Variants in CSGALNACT1 observed in about 807,000 individuals in gnomAD.
CSGALNACT1 encodes the protein beta4GalNAcT-1.
CSGALNACT1 carries 52 observed loss-of-function variants against 51.0 expected under a neutral mutation model. That is an observed-to-expected ratio of 1.02 (90% CI 0.82 to 1.29). The LOEUF (loss-of-function observed/expected upper bound fraction) is 1.29. CSGALNACT1 is among the 50% of genes most tolerant of loss of function. The pLI is 0.00. For synonymous variants in CSGALNACT1, 341 were observed against 254.4 expected (o/e 1.34, Z -3.24); for missense variants, 935 against 679.2 (o/e 1.38, Z -4.19).
At chr8:19,656,101 A>G (rs1271340589) in intron 1 of CSGALNACT1, among the ~76,000 whole-genome samples, 1 of 152,186 alleles carries the variant, frequency 6.6e-6, no homozygotes, top group East Asian at 1.9e-4. Context: ...TGGGAACTCC[A>G]TTCACTTCAG....
chr8:19,449,956 G>C, intron 5 of CSGALNACT1, among the ~76,000 whole-genome samples: 1 of 150,346 alleles, frequency 6.7e-6, no homozygotes, highest in Non-Finnish European at 1.5e-5. Context: ...AACAGACAAT[G>C]AAGTAACCGG....
chr8:19,747,309 G>A (rs982180683), intron 1 of CSGALNACT1, among the ~76,000 whole-genome samples: 1 of 151,772 alleles, frequency 6.6e-6, no homozygotes, highest in Admixed American at 6.6e-5. Flanking sequence ...AACACCAAAC[G>A]TGAAGATACT....
At chr8:19,448,380 G>A (rs1201153431) in intron 5 of CSGALNACT1, among the ~76,000 whole-genome samples, 1 of 152,096 alleles carries the variant, frequency 6.6e-6, no homozygotes. Context: ...GTTTTCCTGC[G>A]ATTTTCCAGA....
chr8:19,651,934 TG>T (rs1564352209), intron 1 of CSGALNACT1, among the ~76,000 whole-genome samples: 48 of 151,174 alleles, frequency 3.2e-4, no homozygotes, highest in Non-Finnish European at 6.2e-4. Context: ...TGTTTTGTTT[TG>T]TTTTGACTTT....
intron 9 of CSGALNACT1, among the ~76,000 whole-genome samples, chr8:19,407,419 C>T (rs1346447468): frequency 1.3e-5 from 2 of 152,152 alleles, no homozygotes; most frequent in East Asian, 3.9e-4. Flanking sequence ...GGCACGGTCC[C>T]CCTGACTCCA....
At chr8:19,637,361 T>A (rs917036189) in intron 1 of CSGALNACT1, among the ~76,000 whole-genome samples, 1 of 152,200 alleles carries the variant, frequency 6.6e-6, no homozygotes. Context: ...ATCACAGCAA[T>A]CATTCTTTTT....
intron 1 of CSGALNACT1, among the ~76,000 whole-genome samples, chr8:19,733,933 C>A (rs1307663302): frequency 2.0e-5 from 3 of 151,988 alleles, no homozygotes; most frequent in Non-Finnish European, 4.4e-5. Context: ...GAGTGCAAGC[C>A]CAAACCATAG....
At chr8:19,527,050 T>C (rs1345540786) in intron 3 of CSGALNACT1, among the ~76,000 whole-genome samples, 1 of 152,186 alleles carries the variant, frequency 6.6e-6, no homozygotes, top group African/African-American at 2.4e-5. Context: ...ATATACTATG[T>C]AGCTAAAGAC....
intron 1 of CSGALNACT1, among the ~76,000 whole-genome samples, chr8:19,740,356 G>A (rs2064235666): frequency 6.6e-6 from 1 of 152,200 alleles, no homozygotes; most frequent in South Asian, 2.1e-4. Flanking sequence ...TGCTGTCCAG[G>A]CAGCCTCAAA....
chr8:19,570,798 G>A (rs1050847660), intron 3 of CSGALNACT1, among the ~76,000 whole-genome samples: 2 of 152,084 alleles, frequency 1.3e-5, no homozygotes, highest in Admixed American at 6.5e-5. Flanking sequence ...TACTTGGGAG[G>A]CTGAAGCACA....
At chr8:19,498,199 A>T (rs185440964) in intron 4 of CSGALNACT1, among the ~76,000 whole-genome samples, 3 of 152,276 alleles carry the variant, frequency 2.0e-5, no homozygotes, top group East Asian at 3.9e-4. Flanking sequence ...GAGGCAGGTT[A>T]CCAGGTCTTT....
chr8:19,426,784 T>G (rs1044089433), intron 6 of CSGALNACT1, among the ~76,000 whole-genome samples: 1 of 152,204 alleles, frequency 6.6e-6, no homozygotes, highest in East Asian at 1.9e-4. Context: ...ATTTCCCTAA[T>G]TGACTTGCAT....
chr8:19,651,467 C>A (rs1056987992), intron 1 of CSGALNACT1, among the ~76,000 whole-genome samples: 1 of 152,156 alleles, frequency 6.6e-6, no homozygotes, highest in African/African-American at 2.4e-5. Context: ...TCTTTGTGTT[C>A]ATGTGTACTC....
In CSGALNACT1 at chr8:19,577,401, C is replaced by CAAAAAAAAAAAAAAAAAAAAAAAA. The variant is rs111734132; in HGVS notation, c.-297+13758_-297+13759insTTTTTTTTTTTTTTTTTTTTTTTT. 5.5e-4 allele frequency among the ~76,000 whole-genome samples: 57 copies of CAAAAAAAAAAAAAAAAAAAAAAAA among 104,214 alleles called. 5 individuals carry two copies. Among genetic ancestry groups the CAAAAAAAAAAAAAAAAAAAAAAAA allele is most frequent in the African/African-American group, 2.4e-3 (56 of 23,114 alleles). 68.4% of individuals were successfully genotyped at this position (104,214 alleles called of 152,430 possible). A position where few individuals can be genotyped will look rare whatever the true frequency, so the allele number is the denominator to read the frequency against. On this transcript the variant is annotated intron_variant, in intron 3 of 9. Transcript: ENST00000454498. ...ACAACGAAGCCCGACCCCACCTCTA[C>CAAAAAAAAAAAAAAAAAAAAAAAA]AAAAAAAAAAAAAGCCTAGTATGGT...
chr8:19,522,782 T>C (rs540801177), intron 3 of CSGALNACT1, among the ~76,000 whole-genome samples: 58 of 152,300 alleles, frequency 3.8e-4, no homozygotes, highest in Middle Eastern at 3.4e-3. Context: ...TAGCTCAAAA[T>C]ATGATTCAAT....
chr8:19,591,401 T>C (rs564505431), intron 2 of CSGALNACT1: 1 of 152,150 alleles, frequency 6.6e-6, no homozygotes, highest in East Asian at 1.9e-4. Context: ...TTCAAAATAA[T>C]TCACCATGAG....
intron 1 of CSGALNACT1, among the ~76,000 whole-genome samples, chr8:19,720,782 A>G (rs906206418): frequency 6.6e-6 from 1 of 152,228 alleles, no homozygotes; most frequent in African/African-American, 2.4e-5. Flanking sequence ...CTCATGCCCA[A>G]GAATGTCCTG....
At chr8:19,530,022 C>A (rs1196928391) in intron 3 of CSGALNACT1, among the ~76,000 whole-genome samples, 2 of 152,012 alleles carry the variant, frequency 1.3e-5, no homozygotes, top group Non-Finnish European at 2.9e-5. Flanking sequence ...GAGTTGGAGT[C>A]CAGCCTGGTC....
chr8:19,696,953 G>A (rs954645801), intron 1 of CSGALNACT1, among the ~76,000 whole-genome samples: 2 of 152,168 alleles, frequency 1.3e-5, no homozygotes, highest in African/African-American at 4.8e-5. Flanking sequence ...AACCCCACGT[G>A]ATTTGGTGTA....
Sources: allele counts gnomAD v4.1 joint callset (sites outside exome capture counted in the v4.1 genomes callset), GRCh38; gene constraint gnomAD v4.1.1; transcripts MANE v1.5; gene names NCBI Gene and HGNC (gene_info 2026-07-23, HGNC 2026-07-21).